The following CCSER2 variants were observed in gnomAD, a reference collection of about 807,000 sequenced individuals.
CCSER2 encodes the protein serine-rich coiled-coil domain-containing protein 2.
CCSER2 carries 46 observed loss-of-function variants against 92.3 expected under a neutral mutation model. The ratio of observed to expected loss-of-function variants is 0.50; its 90% confidence interval spans 0.39 to 0.64. CCSER2 has a LOEUF of 0.64. CCSER2 is among the 30% of genes least tolerant of loss of function. The probability of loss-of-function intolerance (pLI) is 0.00; values close to 1 mark genes in which losing one functional copy is unlikely to be tolerated. For missense variants in CCSER2, 1,244 were observed against 1,238.9 expected, an observed-to-expected ratio of 1.00 and a Z score of -0.06; for synonymous variants, 433 against 431.4, an observed-to-expected ratio of 1.00 and a Z score of -0.04.
intron 1 of CCSER2, among the ~76,000 whole-genome samples, chr10:84,332,432 A>ATTTTTTTTTT (rs1461942069): frequency 3.8e-4 from 28 of 73,316 alleles, no homozygotes; most frequent in South Asian, 6.2e-4. Context: ...ATATATATAT[A>ATTTTTTTTTT]TATATTTTTT....
intron 1 of CCSER2, among the ~76,000 whole-genome samples, chr10:84,361,238 T>TTAAAGC (rs2133116910): frequency 6.6e-6 from 1 of 152,362 alleles, no homozygotes; most frequent in South Asian, 2.1e-4. Flanking sequence ...AAATGTTAGC[T>TTAAAGC]TATTACTCCT....
rs1307631699 is a variant in CCSER2 at position 84,515,136 on chromosome 10, A to G, written c.*869A>G. ...CAGGCTTGAACCCTTAGGCTTGTGG[A>G]TCCATGATAGCCATTTTAAGGTTCC... On this transcript the variant is annotated 3_prime_UTR_variant, in exon 10 of 10. Coordinates refer to ENST00000372088, the MANE Select transcript of CCSER2 (RefSeq NM_001284240.2). 1 of 152,596 alleles carries G rather than the reference A, an allele frequency of 6.6e-6. No individual in the cohort carries two copies. Among genetic ancestry groups the G allele is most frequent in the Non-Finnish European group, 1.5e-5 (1 of 68,020 alleles). The allele number at this position is 152,596 out of a possible 1,614,324, so 9.5% of individuals were successfully genotyped here. A position where few individuals can be genotyped will look rare whatever the true frequency, so the allele number is the denominator to read the frequency against.
chr10:84,415,894 A>G (rs941080462), intron 3 of CCSER2, among the ~76,000 whole-genome samples: 2 of 152,160 alleles, frequency 1.3e-5, no homozygotes, highest in African/African-American at 4.8e-5. Flanking sequence ...GTGCCGTGCA[A>G]GTGGGCCTGC....
chr10:84,465,314 ATTTTTTTT>A (rs34510394), intron 7 of CCSER2, among the ~76,000 whole-genome samples: 6 of 49,900 alleles, frequency 1.2e-4, no homozygotes, highest in East Asian at 5.6e-4. Context: ...ACATGTAAAG[ATTTTTTTT>A]TTTTTTTTTT....
chr10:84,512,341 G>A (rs1849392213), intron 9 of CCSER2, among the ~76,000 whole-genome samples: 1 of 151,396 alleles, frequency 6.6e-6, no homozygotes, highest in Non-Finnish European at 1.5e-5. Flanking sequence ...CAAAGTTTTT[G>A]ACATTTTAGC....
chr10:84,331,273 G>T (rs192060977), intron 1 of CCSER2, among the ~76,000 whole-genome samples: 120 of 152,288 alleles, frequency 7.9e-4, no homozygotes, highest in African/African-American at 2.8e-3. Context: ...TTTTCAGAGG[G>T]AGTGCAAATC....
chr10:84,353,679 A>G (rs571721335), intron 1 of CCSER2, among the ~76,000 whole-genome samples: 8 of 152,220 alleles, frequency 5.3e-5, no homozygotes, highest in East Asian at 3.9e-4. Flanking sequence ...TACCATTCCC[A>G]TCAAGCTGCC....
chr10:84,346,189 C>T (rs867697259), intron 1 of CCSER2, among the ~76,000 whole-genome samples: 3 of 152,086 alleles, frequency 2.0e-5, no homozygotes, highest in Non-Finnish European at 2.9e-5. Context: ...CTCAGCCTCC[C>T]GAGTAGCTGG....
chr10:84,365,063 A>G (rs1845710902), intron 1 of CCSER2, among the ~76,000 whole-genome samples: 1 of 152,088 alleles, frequency 6.6e-6, no homozygotes, highest in South Asian at 2.1e-4. Context: ...TTTAAATATT[A>G]AATACCAATA....
In CCSER2 at chr10:84,373,819, T is replaced by A. The variant is rs956634886; in HGVS notation, c.1614+4T>A. 2 of 1,613,508 alleles carry A rather than the reference T, an allele frequency of 1.2e-6. No homozygotes were observed. The highest frequency in any genetic ancestry group is 1.7e-6 in the Non-Finnish European group (2 of 1,179,714). ...GTCCTCTGAAATGAACAGCATAGTA[T>A]GTATGGATTTATATACTCTTGGAAT... On this transcript the variant is annotated splice_donor_region_variant and intron_variant, in intron 3 of 9. Transcript: ENST00000372088.
rs569564728 is a variant in CCSER2, at chr10:84,391,721, C to T, written c.1614+17906C>T. The T allele has an allele frequency of 1.7e-5, 26 of 1,496,158 alleles. No individual in the cohort carries two copies. In the East Asian group the frequency reaches 4.8e-4, roughly 27 times the overall value. 92.7% of individuals were successfully genotyped at this position (1,496,158 alleles called of 1,614,324 possible). A position where few individuals can be genotyped will look rare whatever the true frequency, so the allele number is the denominator to read the frequency against. ...GATTGGTCGTCTTGGTTACGTGTGT[C>T]TTCAAGAGGTGGCCCCCATGCTACA... On this transcript the variant is annotated intron_variant, in intron 3 of 9. Coordinates refer to ENST00000372088, the MANE Select transcript of CCSER2 (RefSeq NM_001284240.2).
intron 1 of CCSER2, among the ~76,000 whole-genome samples, chr10:84,329,664 A>G (rs770306428): frequency 6.6e-6 from 1 of 152,212 alleles, no homozygotes; most frequent in Non-Finnish European, 1.5e-5. Context: ...TTAAAGCATC[A>G]TCTTTTAGAC....
At chr10:84,341,890 A>G (rs1844208589) in intron 1 of CCSER2, among the ~76,000 whole-genome samples, 1 of 152,232 alleles carries the variant, frequency 6.6e-6, no homozygotes, top group African/African-American at 2.4e-5. Flanking sequence ...AGGGTAGGTC[A>G]TGGAAAGGGG....
intron 9 of CCSER2, among the ~76,000 whole-genome samples, chr10:84,485,829 G>C (rs1159160189): frequency 6.6e-6 from 1 of 152,046 alleles, no homozygotes; most frequent in African/African-American, 2.4e-5. Context: ...GTGCCATGTT[G>C]GTGTGCTGCA....
rs541186071 is a variant in CCSER2, at chr10:84,502,464, C to T, written c.2326-10985C>T. Among the ~76,000 whole-genome samples the T allele has an allele frequency of 1.5e-4, 23 of 151,586 alleles. No homozygotes were observed. The East Asian group carries it at 1.6e-3, about 10-fold the overall frequency. ...TCAGCTCACTGCAAGCTCCGCCTCC[C>T]GGGTTCACGCCATTCTCCTGCCTCA... On this transcript the variant is annotated intron_variant, in intron 9 of 9. Coordinates refer to ENST00000372088, the MANE Select transcript of CCSER2 (RefSeq NM_001284240.2).
At chr10:84,342,122 G>A (rs1211108542) in intron 1 of CCSER2, among the ~76,000 whole-genome samples, 1 of 152,168 alleles carries the variant, frequency 6.6e-6, no homozygotes, top group East Asian at 1.9e-4. Context: ...TCATGCTCTG[G>A]TCTTTCTGGT....
intron 6 of CCSER2, among the ~76,000 whole-genome samples, chr10:84,457,414 A>G (rs1455546547): frequency 3.6e-5 from 2 of 55,828 alleles, no homozygotes; most frequent in Admixed American, 6.5e-4. Context: ...TATTTTAAAA[A>G]ATATATTTAA....
At chr10:84,333,865 C>T (rs181443581) in intron 1 of CCSER2, among the ~76,000 whole-genome samples, 48 of 152,308 alleles carry the variant, frequency 3.2e-4, no homozygotes, top group African/African-American at 1.2e-3. Flanking sequence ...TCTTTCACAG[C>T]GTTGACTGTG....
chr10:84,479,996 A>G (rs1159162693), intron 9 of CCSER2, among the ~76,000 whole-genome samples: 2 of 152,164 alleles, frequency 1.3e-5, no homozygotes, highest in Non-Finnish European at 2.9e-5. Flanking sequence ...ATGGTAGAAG[A>G]CTTAGCAGTA....
Sources: allele counts gnomAD v4.1 joint callset (sites outside exome capture counted in the v4.1 genomes callset), GRCh38; gene constraint gnomAD v4.1.1; transcripts MANE v1.5; gene names NCBI Gene and HGNC (gene_info 2026-07-23, HGNC 2026-07-21).